Variants in RAB33A observed in about 807,000 individuals in gnomAD.
RAB33A encodes ras-related protein Rab-33A.
RAB33A carries 6 observed loss-of-function variants against 12.0 expected under a neutral mutation model. The ratio of observed to expected loss-of-function variants is 0.50; its 90% CI spans 0.27 to 0.99. RAB33A has a LOEUF of 0.99. RAB33A is among the 50% of genes least tolerant of loss of function. RAB33A has a pLI of 0.11. For synonymous variants in RAB33A, 70 were observed against 82.4 expected (o/e 0.85, Z 0.81); for missense variants, 109 against 192.0 (o/e 0.57, Z 2.55).
the RAB33A span, among the ~76,000 whole-genome samples, chrX:130,132,963 T>C: frequency 9.0e-6 from 1 of 111,000 alleles, no homozygotes; most frequent in Non-Finnish European, 1.9e-5. Flanking sequence ...GTCAGGCTGG[T>C]CTCAAACTCC....
the RAB33A span, among the ~76,000 whole-genome samples, chrX:130,135,805 G>C: frequency 0.44 from 48,791 of 110,043 alleles, 8,047 homozygotes; most frequent in African/African-American, 0.53. Context: ...AGTAGAACCG[G>C]AAGAGCTCTA....
the RAB33A span, among the ~76,000 whole-genome samples, chrX:130,143,235 T>C: frequency 1.2e-3 from 136 of 112,053 alleles, 1 homozygote; most frequent in Non-Finnish European, 2.2e-3. Context: ...CTCAGCTCTC[T>C]ATCTGAGCCC....
the RAB33A span, among the ~76,000 whole-genome samples, chrX:130,149,202 G>A: frequency 1.5e-4 from 17 of 111,501 alleles, no homozygotes; most frequent in East Asian, 1.1e-3. Context: ...GATGACAGGC[G>A]TGAGCCACCG....
chrX:130,168,996 C>T (rs778400413), upstream of RAB33A, among the ~76,000 whole-genome samples: 4 of 109,694 alleles, frequency 3.6e-5, no homozygotes, highest in Admixed American at 2.0e-4. Flanking sequence ...TCACGAGGTC[C>T]GGAGATCGAG....
At chrX:130,129,875 G>A in the RAB33A span, 76 of 1,047,127 alleles carry the variant, frequency 7.3e-5, no homozygotes, top group African/African-American at 8.0e-4. Flanking sequence ...TGACCTGGCC[G>A]GGGGACAATG....
the RAB33A span, chrX:130,140,632 C>T: frequency 8.7e-7 from 1 of 1,153,641 alleles, no homozygotes; most frequent in South Asian, 1.8e-5. Context: ...TACAGTCACA[C>T]ACATACACAA....
rs766501477 is a variant in RAB33A at position 130,172,034 on chromosome X, G to C, written c.-29G>C. 22 of 1,186,321 alleles carry C rather than the reference G, an allele frequency of 1.9e-5. No homozygotes were observed. The highest frequency in any genetic ancestry group is 2.1e-5 in the Non-Finnish European group (19 of 884,817). On this transcript the variant is annotated 5_prime_UTR_variant, in exon 1 of 2. Transcript: ENST00000257017. ...CTCTTTGTGTGGAGCCCTCAAGGGG[G>C]GTTGGGGCCCCGGTTCGGTCCGGGG...
At chrX:130,149,323 T>C in the RAB33A span, 1 of 531,633 alleles carries the variant, frequency 1.9e-6, no homozygotes, top group Non-Finnish European at 3.3e-6. Context: ...CACTCCCAGT[T>C]CTAGGGTAAT....
At chrX:130,128,515 T>G in the RAB33A span, among the ~76,000 whole-genome samples, 1 of 111,799 alleles carries the variant, frequency 8.9e-6, no homozygotes, top group South Asian at 3.8e-4. Flanking sequence ...GAGGTTGTGA[T>G]GAGCCTAGGT....
Position 130,172,029 on chromosome X carries a change from A to G in RAB33A, c.-34A>G. ...ACGTTCTCTTTGTGTGGAGCCCTCAAGGGGGGTTGGGGCCCCGGTTCGGTC... is the reference window on the plus strand; with the variant it reads ...ACGTTCTCTTTGTGTGGAGCCCTCAGGGGGGGTTGGGGCCCCGGTTCGGTC... On this transcript the variant is annotated 5_prime_UTR_variant, in exon 1 of 2. Coordinates refer to ENST00000257017, the MANE Select transcript of RAB33A (RefSeq NM_004794.3). 2 of 1,181,211 alleles carry G rather than the reference A, an allele frequency of 1.7e-6. No individual in the cohort carries two copies. Among genetic ancestry groups the G allele is most frequent in the Non-Finnish European group, 2.3e-6 (2 of 881,979 alleles).
At chrX:130,182,208 CAATATATATAACATATATATGT>C (rs1240769359) in intron 1 of RAB33A, among the ~76,000 whole-genome samples, 16 of 84,456 alleles carry the variant, frequency 1.9e-4, no homozygotes, top group East Asian at 7.1e-4. Context: ...TATATACACA[CAATATATATAACATATATATGT>C]AATATATATA....
At chrX:130,159,581 T>C in the RAB33A span, among the ~76,000 whole-genome samples, 2 of 111,676 alleles carry the variant, frequency 1.8e-5, no homozygotes, top group East Asian at 5.6e-4. Context: ...CCTCTACCCC[T>C]GGTTCATTTA....
intron 1 of RAB33A, among the ~76,000 whole-genome samples, chrX:130,175,871 G>A (rs5977220): frequency 0.013 from 1,452 of 111,502 alleles, 25 homozygotes; most frequent in African/African-American, 0.045. Context: ...TACAGATTCT[G>A]TGATCCAGTG....
the RAB33A span, among the ~76,000 whole-genome samples, chrX:130,152,734 A>G: frequency 8.9e-6 from 1 of 112,069 alleles, no homozygotes; most frequent in South Asian, 3.7e-4. Context: ...CAAAAAGAGG[A>G]AAAACTCTCA....
At chrX:130,157,953 C>CA in the RAB33A span, among the ~76,000 whole-genome samples, 888 of 46,025 alleles carry the variant, frequency 0.019, 5 homozygotes, top group African/African-American at 0.057. Context: ...GACTCCGTCT[C>CA]AAAAAAAAAA....
the RAB33A span, chrX:130,145,380 T>C: frequency 4.5e-6 from 3 of 663,279 alleles, no homozygotes; most frequent in Admixed American, 2.3e-5. Context: ...TGAACTACAA[T>C]GGCAGGACAG....
At chrX:130,136,729 C>T in the RAB33A span, 2 of 1,209,326 alleles carry the variant, frequency 1.7e-6, no homozygotes, top group South Asian at 1.8e-5. Context: ...ACCTTAACCC[C>T]CTCTGTAAAG....
chrX:130,165,807 G>A, the RAB33A span: 2 of 541,577 alleles, frequency 3.7e-6, no homozygotes, highest in Middle Eastern at 3.4e-4. Context: ...GCATTGGACA[G>A]AGAAGCCGGC....
chrX:130,151,035 C>T, the RAB33A span, among the ~76,000 whole-genome samples: 1 of 107,396 alleles, frequency 9.3e-6, no homozygotes, highest in African/African-American at 3.4e-5. Flanking sequence ...TTTTGTACCC[C>T]ACAGGGTCAA....
Sources: gnomAD v4.1 joint callset for allele counts (sites outside exome capture counted in the v4.1 genomes callset) on GRCh38, gnomAD v4.1.1 for gene constraint, MANE v1.5 for transcripts, NCBI Gene and HGNC (gene_info 2026-07-23, HGNC 2026-07-21) for gene names.